Variants in PCDHA12 observed in about 807,000 individuals in gnomAD.
The protein encoded by PCDHA12 is protocadherin alpha 12, also known as protocadherin alpha-12.
PCDHA12 carries 44 observed loss-of-function variants against 60.0 expected under a neutral mutation model. The ratio of observed to expected loss-of-function variants is 0.73; its 90% CI spans 0.58 to 0.94. PCDHA12 has a LOEUF of 0.94. Among genes scored for constraint, PCDHA12 ranks in the 40% least tolerant of loss-of-function variants. PCDHA12 has a pLI of 0.00. For missense variants in PCDHA12, 1,276 were observed against 1,239.7 expected (o/e 1.03, Z -0.44); for synonymous variants, 569 against 553.0 (o/e 1.03, Z -0.40).
At chr5:140,937,927 A>AT (rs201742095) in intron 1 of PCDHA12, among the ~76,000 whole-genome samples, 1 of 149,222 alleles carries the variant, frequency 6.7e-6, no homozygotes, top group Non-Finnish European at 1.5e-5. Flanking sequence ...AAAAAAAAAA[A>AT]GTTTAATTTG....
intron 1 of PCDHA12, among the ~76,000 whole-genome samples, chr5:140,894,264 G>A (rs1231047220): frequency 1.3e-5 from 2 of 151,820 alleles, no homozygotes; most frequent in African/African-American, 4.8e-5. Flanking sequence ...ACAAGTGGTA[G>A]CTTATTTACA....
At chr5:140,882,088 T>G (rs1334008975) in intron 1 of PCDHA12, 3 of 1,087,274 alleles carry the variant, frequency 2.8e-6, no homozygotes, top group African/African-American at 1.6e-5. Flanking sequence ...CGCTCTTCAC[T>G]GAGAACGTTT....
At chr5:140,927,004 A>C (rs1194923615) in intron 1 of PCDHA12, 1 of 1,612,238 alleles carries the variant, frequency 6.2e-7, no homozygotes, top group Non-Finnish European at 8.5e-7. Flanking sequence ...AGCCGTAGGC[A>C]ATCTCTCCGC....
intron 1 of PCDHA12, among the ~76,000 whole-genome samples, chr5:140,948,744 C>A (rs868917864): frequency 3.3e-5 from 5 of 151,312 alleles, no homozygotes; most frequent in South Asian, 2.1e-4. Flanking sequence ...GAGAATTTAT[C>A]AATTTTGCTG....
chr5:140,981,252 T>C (rs1482350756), intron 2 of PCDHA12, among the ~76,000 whole-genome samples: 1 of 152,240 alleles, frequency 6.6e-6, no homozygotes, highest in African/African-American at 2.4e-5. Context: ...GAAATTTAAC[T>C]TTCAAGATAA....
At position 140,997,696 on chromosome 5, in the gene PCDHA12, GTA is replaced by G. The variant is rs1328869274; in HGVS notation, c.2516-11929_2516-11928del. On this transcript the variant is annotated intron_variant, in intron 3 of 3. Transcript: ENST00000398631. ...TGTGTGTGTGTGTGTGTGTGTGTGT[GTA>G]TGTTAACAAACACCTTTCTACGTCA... Among the ~76,000 whole-genome samples, 208 of 148,602 alleles carry G rather than the reference GTA, an allele frequency of 1.4e-3. 1 individual carries two copies. Among genetic ancestry groups the G allele is most frequent in the African/African-American group, 4.8e-3 (197 of 40,710 alleles).
intron 1 of PCDHA12, among the ~76,000 whole-genome samples, chr5:140,900,094 G>A (rs546671178): frequency 3.6e-4 from 55 of 152,150 alleles, no homozygotes; most frequent in East Asian, 2.3e-3. Context: ...ACAAGCATGC[G>A]CCACCATACC....
intron 3 of PCDHA12, among the ~76,000 whole-genome samples, chr5:141,000,401 A>ATT (rs2097917579): frequency 1.3e-5 from 1 of 76,232 alleles, no homozygotes; most frequent in Non-Finnish European, 2.5e-5. Flanking sequence ...CTCTCTATAT[A>ATT]TATATATATA....
intron 1 of PCDHA12, among the ~76,000 whole-genome samples, chr5:140,946,909 C>G (rs1290458457): frequency 6.6e-6 from 1 of 151,234 alleles, no homozygotes; most frequent in Non-Finnish European, 1.5e-5. Flanking sequence ...AGAATAAGTT[C>G]TGGTGTTTTA....
intron 1 of PCDHA12, among the ~76,000 whole-genome samples, chr5:140,977,768 A>G (rs1264929933): frequency 1.3e-5 from 2 of 152,218 alleles, no homozygotes; most frequent in Non-Finnish European, 1.5e-5. Context: ...AATACTTTGC[A>G]TCCCTTAAAG....
At chr5:140,903,470 C>T (rs1425928113) in intron 1 of PCDHA12, among the ~76,000 whole-genome samples, 2 of 152,140 alleles carry the variant, frequency 1.3e-5, no homozygotes, top group Non-Finnish European at 2.9e-5. Context: ...AATATTATTC[C>T]TTGCATTATA....
chr5:140,879,366 C>A (rs1363345702), intron 1 of PCDHA12, among the ~76,000 whole-genome samples: 1 of 152,156 alleles, frequency 6.6e-6, no homozygotes, highest in East Asian at 1.9e-4. Flanking sequence ...CATTAACCAA[C>A]CTGCAGAACA....
intron 1 of PCDHA12, among the ~76,000 whole-genome samples, chr5:140,915,886 T>G (rs1259377999): frequency 2.6e-5 from 4 of 152,186 alleles, no homozygotes; most frequent in Admixed American, 6.5e-5. Flanking sequence ...GGGTAGCAAG[T>G]TCCCCCTGGC....
intron 1 of PCDHA12, among the ~76,000 whole-genome samples, chr5:140,920,858 A>G (rs1182817298): frequency 6.6e-6 from 1 of 151,604 alleles, no homozygotes; most frequent in Non-Finnish European, 1.5e-5. Flanking sequence ...AAAAAAAAAA[A>G]CAAACAAACT....
chr5:140,900,233 G>GT (rs1261263702), intron 1 of PCDHA12, among the ~76,000 whole-genome samples: 7 of 151,834 alleles, frequency 4.6e-5, no homozygotes, highest in Non-Finnish European at 7.4e-5. Flanking sequence ...ACTGGATCTT[G>GT]TTTTTTTTAT....
At chr5:140,941,255 C>CTTTCTCTT (rs782490896) in intron 1 of PCDHA12, among the ~76,000 whole-genome samples, 24 of 44,510 alleles carry the variant, frequency 5.4e-4, no homozygotes, top group African/African-American at 1.5e-3. Flanking sequence ...TTCTTTCTTT[C>CTTTCTCTT]TCTTTCTTTC....
intron 1 of PCDHA12, among the ~76,000 whole-genome samples, chr5:140,896,879 G>A (rs1323456222): frequency 6.6e-6 from 1 of 151,976 alleles, no homozygotes; most frequent in Non-Finnish European, 1.5e-5. Context: ...TATTTATGGG[G>A]TATATGAGAC....
In PCDHA12 at chr5:140,877,288, T is replaced by G. The variant is rs782747810; in HGVS notation, c.1816T>G (p.Trp606Gly). 3 of 1,613,908 alleles carry G rather than the reference T, an allele frequency of 1.9e-6. No homozygotes were observed. The highest frequency in any genetic ancestry group is 4.5e-5 in the East Asian group (2 of 44,868). Reference protein sequence around the residue: ...AVDADSGYNAWLSYELQPAAV... With the variant: ...AVDADSGYNAGLSYELQPAAV... ...GGACGCTGACTCCGGCTATAACGCT[T>G]GGCTGTCCTACGAGTTGCAACCGGC... The change falls in exon 1 of 4, where the codon TGG becomes GGG. Residue 606 changes from tryptophan (W) to glycine (G), a missense_variant. Coordinates refer to ENST00000398631, the MANE Select transcript of PCDHA12 (RefSeq NM_018903.4).
At chr5:141,006,033 G>A (rs1162099125) in intron 3 of PCDHA12, among the ~76,000 whole-genome samples, 1 of 151,252 alleles carries the variant, frequency 6.6e-6, no homozygotes, top group Non-Finnish European at 1.5e-5. Context: ...TAGTAAGAGG[G>A]AGATTTGTAG....
Sources: allele counts gnomAD v4.1 joint callset (sites outside exome capture counted in the v4.1 genomes callset), GRCh38; gene constraint gnomAD v4.1.1; transcripts MANE v1.5; gene names NCBI Gene and HGNC (gene_info 2026-07-23, HGNC 2026-07-21).